Variants in CLNK observed in about 807,000 individuals in gnomAD.
CLNK encodes the protein cytokine dependent hematopoietic cell linker.
A neutral mutation model predicts 68.6 loss-of-function variants in CLNK; 74 were observed. The observed-to-expected ratio is 1.08, with a 90% CI of 0.89 to 1.31. CLNK has a LOEUF of 1.31. Ranked by LOEUF, CLNK falls within the 50% of genes most tolerant of loss-of-function variation. CLNK has a pLI of 0.00. For synonymous variants in CLNK, 198 were observed against 172.2 expected (o/e 1.15, Z -1.17); for missense variants, 553 against 515.3 (o/e 1.07, Z -0.71).
At chr4:10,551,333 C>T (rs1395102606) in intron 8 of CLNK, among the ~76,000 whole-genome samples, 2 of 152,154 alleles carry the variant, frequency 1.3e-5, no homozygotes, top group African/African-American at 4.8e-5. Flanking sequence ...CAACCTCTGC[C>T]TCCTTGGTTC....
chr4:10,628,133 G>C (rs537203320), intron 2 of CLNK, among the ~76,000 whole-genome samples: 2 of 152,162 alleles, frequency 1.3e-5, no homozygotes, highest in Non-Finnish European at 2.9e-5. Flanking sequence ...ATGTGTACCT[G>C]TTTATATTAC....
At chr4:10,544,286 A>G (rs1252579628) in intron 8 of CLNK, among the ~76,000 whole-genome samples, 1 of 152,232 alleles carries the variant, frequency 6.6e-6, no homozygotes, top group African/African-American at 2.4e-5. Flanking sequence ...AGAATAGGAC[A>G]TCTATCTTCT....
intron 2 of CLNK, among the ~76,000 whole-genome samples, chr4:10,611,495 T>TAAA (rs1274936982): frequency 2.1e-4 from 3 of 14,296 alleles, no homozygotes; most frequent in African/African-American, 1.1e-4. Flanking sequence ...AGGCTAAGTC[T>TAAA]GAAAAAAAAA....
At chr4:10,700,666 G>A in the CLNK span, among the ~76,000 whole-genome samples, 3 of 152,168 alleles carry the variant, frequency 2.0e-5, no homozygotes, top group Non-Finnish European at 4.4e-5. Context: ...TCTAAGCCAC[G>A]TGACCCTTTA....
the CLNK span, among the ~76,000 whole-genome samples, chr4:10,701,120 C>T: frequency 2.0e-5 from 3 of 152,206 alleles, no homozygotes; most frequent in Non-Finnish European, 4.4e-5. Context: ...CTATCACCAT[C>T]CAACCTTCCT....
intron 13 of CLNK, among the ~76,000 whole-genome samples, chr4:10,527,384 C>A (rs1718360933): frequency 1.3e-5 from 2 of 152,318 alleles, no homozygotes. Flanking sequence ...CAGACCTGAG[C>A]CTCACAAATG....
At chr4:10,539,951 A>G (rs1384457248) in intron 11 of CLNK, among the ~76,000 whole-genome samples, 3 of 152,208 alleles carry the variant, frequency 2.0e-5, no homozygotes, top group African/African-American at 7.2e-5. Flanking sequence ...ATAATAACTC[A>G]TTTTGTTACA....
At chr4:10,701,922 C>T in the CLNK span, among the ~76,000 whole-genome samples, 1 of 152,178 alleles carries the variant, frequency 6.6e-6, no homozygotes, top group African/African-American at 2.4e-5. Context: ...AAGTGGGAAG[C>T]ACATTCCATG....
intron 2 of CLNK, among the ~76,000 whole-genome samples, chr4:10,632,884 G>A (rs1213649816): frequency 6.6e-6 from 1 of 152,188 alleles, no homozygotes; most frequent in African/African-American, 2.4e-5. Flanking sequence ...ATAAGCAGAT[G>A]AGGCTGCTAG....
intron 2 of CLNK, among the ~76,000 whole-genome samples, chr4:10,626,007 T>C (rs1455558298): frequency 1.3e-5 from 2 of 152,362 alleles, no homozygotes; most frequent in East Asian, 3.9e-4. Context: ...TGGAAATGAT[T>C]CCCACCTTTA....
chr4:10,625,423 G>T (rs1049413720), intron 2 of CLNK, among the ~76,000 whole-genome samples: 15 of 152,318 alleles, frequency 9.8e-5, no homozygotes, highest in African/African-American at 3.4e-4. Context: ...TGGGCTTGTT[G>T]CTCTCTTTCC....
chr4:10,587,114 G>A (rs1440713373), intron 3 of CLNK, among the ~76,000 whole-genome samples: 21 of 152,040 alleles, frequency 1.4e-4, no homozygotes, highest in East Asian at 1.9e-4. Flanking sequence ...ACAGGCATGC[G>A]CCACCACACT....
intron 3 of CLNK, among the ~76,000 whole-genome samples, chr4:10,587,099 G>A (rs146005617): frequency 0.01 from 1,574 of 152,154 alleles, 35 homozygotes; most frequent in African/African-American, 0.037. Flanking sequence ...CAAGTAACTG[G>A]GACTACAGGC....
intron 11 of CLNK, among the ~76,000 whole-genome samples, chr4:10,538,146 C>G (rs571751721): frequency 2.0e-5 from 3 of 152,280 alleles, no homozygotes; most frequent in South Asian, 4.1e-4. Context: ...GAGACAGTCT[C>G]TCTCTGTTGC....
At chr4:10,623,370 A>G (rs1157339218) in intron 2 of CLNK, among the ~76,000 whole-genome samples, 1 of 152,178 alleles carries the variant, frequency 6.6e-6, no homozygotes, top group Non-Finnish European at 1.5e-5. Context: ...CTCTTTCAAC[A>G]AATGTTTGTT....
At chr4:10,605,246 C>T (rs538833421) in intron 2 of CLNK, among the ~76,000 whole-genome samples, 1 of 152,156 alleles carries the variant, frequency 6.6e-6, no homozygotes, top group Non-Finnish European at 1.5e-5. Context: ...CTCTCTCTCT[C>T]TACGGATACA....
Position 10,606,299 on chromosome 4 carries a change from G to A in CLNK, c.12-8250C>T, listed in dbSNP as rs927850132. On this transcript the variant is annotated intron_variant, in intron 2 of 18. Transcript: ENST00000226951. ...AGGGTCAATGGCATCACTACCTGCCGCCCCAACACCTTGTCCCACTGGAAG... is the reference window on the plus strand; with the variant it reads ...AGGGTCAATGGCATCACTACCTGCCACCCCAACACCTTGTCCCACTGGAAG... Among the ~76,000 whole-genome samples the A allele has an allele frequency of 2.6e-5, 4 of 152,044 alleles. No individual in the cohort carries two copies. The East Asian group carries it at 5.8e-4, about 22-fold the overall frequency.
chr4:10,600,281 G>A (rs896178641), intron 2 of CLNK, among the ~76,000 whole-genome samples: 9 of 152,058 alleles, frequency 5.9e-5, no homozygotes, highest in East Asian at 5.8e-4. Context: ...TGCTGCTTCC[G>A]CTTTGAGTCC....
intron 1 of CLNK, 143 bp from the exon 2 acceptor site, chr4:10,668,054 A>C: frequency 2.2e-6 from 1 of 458,278 alleles, no homozygotes; most frequent in South Asian, 4.2e-5. Context: ...ATCCAGGTCA[A>C]GAATTGGCTT....
Sources: allele counts gnomAD v4.1 joint callset (sites outside exome capture counted in the v4.1 genomes callset), GRCh38; gene constraint gnomAD v4.1.1; transcripts MANE v1.5; gene names NCBI Gene and HGNC (gene_info 2026-07-23, HGNC 2026-07-21).